Variants in SMAD6 observed in about 807,000 individuals in gnomAD.
SMAD6 encodes the protein MAD homolog 6.
A neutral mutation model predicts 39.4 loss-of-function variants in SMAD6; 103 were observed. That is an observed-to-expected ratio of 2.62 (90% CI 2.23 to 3.08). The LOEUF is 3.08. Among genes scored for constraint, SMAD6 ranks in the 30% most tolerant of loss-of-function variants. The pLI is 0.00. For synonymous variants in SMAD6, 445 were observed against 353.3 expected, an observed-to-expected ratio of 1.26 and a Z score of -2.91; for missense variants, 1,104 against 742.9, an observed-to-expected ratio of 1.49 and a Z score of -5.65.
chr15:66,753,477 G>A (rs947225863), intron 3 of SMAD6, among the ~76,000 whole-genome samples: 1 of 152,156 alleles, frequency 6.6e-6, no homozygotes, highest in African/African-American at 2.4e-5. Flanking sequence ...GGCTCCCTTG[G>A]GTGGCCTTTT....
At chr15:66,717,708 A>G (rs1344230591) in intron 3 of SMAD6, among the ~76,000 whole-genome samples, 1 of 152,172 alleles carries the variant, frequency 6.6e-6, no homozygotes, top group East Asian at 1.9e-4. Flanking sequence ...GGGAGGCTAG[A>G]AGCGGAAGCA....
At position 66,703,875 on chromosome 15, in the gene SMAD6, T is replaced by C; in HGVS notation, c.617T>C (p.Val206Ala). Residue 206 changes from valine (V) to alanine (A), a missense_variant, in exon 1 of 4, where the codon GTG becomes GCG. Physicochemically the swap from Val to Ala is moderately conservative, Grantham distance 64. Coordinates refer to ENST00000288840, the MANE Select transcript of SMAD6 (RefSeq NM_005585.5). ...CGCGGCGGCGTGCCGGGCGGCTGCG[T>C]GCTGGTGCCGCGCGCCGACCTCCGC... ...ESRGGVPGGCVLVPRADLRLG... is the reference protein window; with the variant it reads ...ESRGGVPGGCALVPRADLRLG... 1 of 1,325,088 alleles carries C rather than the reference T, an allele frequency of 7.5e-7. No individual in the cohort carries two copies. Among genetic ancestry groups the C allele is most frequent in the Non-Finnish European group, 9.7e-7 (1 of 1,033,934 alleles). The allele number at this position is 1,325,088 out of a possible 1,614,324, so 82.1% of individuals were successfully genotyped here.
chr15:66,744,813 A>G (rs1893879732), intron 3 of SMAD6, among the ~76,000 whole-genome samples: 1 of 152,192 alleles, frequency 6.6e-6, no homozygotes, highest in Non-Finnish European at 1.5e-5. Context: ...AGTGGGTGCT[A>G]GGAAGAACTG....
intron 2 of SMAD6, among the ~76,000 whole-genome samples, chr15:66,712,073 C>T (rs1239421820): frequency 2.0e-5 from 3 of 152,174 alleles, no homozygotes; most frequent in Non-Finnish European, 2.9e-5. Context: ...CTCTCTTGGG[C>T]CCCCCAGCCT....
At chr15:66,757,909 C>G (rs1282698508) in intron 3 of SMAD6, among the ~76,000 whole-genome samples, 1 of 152,242 alleles carries the variant, frequency 6.6e-6, no homozygotes, top group African/African-American at 2.4e-5. Flanking sequence ...GTAGGGACAG[C>G]TCTCAGGCAC....
rs894484941 is a variant in SMAD6 at position 66,725,477 on chromosome 15, G to A, written c.952+8979G>A. Among the ~76,000 whole-genome samples, 7 of 152,252 alleles carry A rather than the reference G, an allele frequency of 4.6e-5. 1 individual carries two copies. In the South Asian group the frequency reaches 1.4e-3, roughly 32 times the overall value. On this transcript the variant is annotated intron_variant, in intron 3 of 3. Transcript: ENST00000288840. ...ATCAAAGCCACCATCCAGACTGCAA[G>A]GTGAATCATTGCCAAGACTTTAATT... is the stretch of plus-strand genomic sequence containing the variant.
Position 66,703,505 on chromosome 15 carries a change from C to G in SMAD6, c.247C>G (p.Arg83Gly), listed in dbSNP as rs1301285133. 4.1e-6 allele frequency: 5 copies of G among 1,224,766 alleles called. No homozygotes were observed. Among genetic ancestry groups the G allele is most frequent in the South Asian group, 4.1e-5 (1 of 24,374 alleles). 75.9% of individuals were successfully genotyped at this position (1,224,766 alleles called of 1,614,324 possible). Residue 83 changes from arginine (R) to glycine (G), a missense_variant, in exon 1 of 4, where the codon CGC becomes GGC. Transcript: ENST00000288840. ...GCGAGGCGCCCAGGGCGCGGGGAGG[C>G]GCCGGCGCGCAGGGGGCCCCCCGAG... The part of the protein sequence containing the change: ...GQRGAQGAGR[R>G]RRAGGPPRPM...
At chr15:66,771,209 A>G (rs1488204946) in intron 3 of SMAD6, among the ~76,000 whole-genome samples, 2 of 151,944 alleles carry the variant, frequency 1.3e-5, no homozygotes, top group Non-Finnish European at 2.9e-5. Flanking sequence ...TGCCCGTTGG[A>G]GTGGTAAGGC....
At chr15:66,716,780 G>A (rs1363600595) in intron 3 of SMAD6, among the ~76,000 whole-genome samples, 2 of 152,236 alleles carry the variant, frequency 1.3e-5, no homozygotes, top group Admixed American at 1.3e-4. Flanking sequence ...TAAAAGCTCA[G>A]CACAGCTCTC....
At chr15:66,761,155 G>T (rs531750733) in intron 3 of SMAD6, among the ~76,000 whole-genome samples, 1 of 152,224 alleles carries the variant, frequency 6.6e-6, no homozygotes, top group African/African-American at 2.4e-5. Flanking sequence ...CCTGAGAGCC[G>T]GGAAAACCCC....
In SMAD6 at chr15:66,781,507, T is replaced by G. The variant is rs1894576643; in HGVS notation, c.1463T>G (p.Leu488Arg). The G allele has an allele frequency of 6.4e-7, 1 of 1,562,522 alleles. No homozygotes were observed. Among genetic ancestry groups the G allele is most frequent in the Non-Finnish European group, 8.6e-7 (1 of 1,157,902 alleles). The change falls in exon 4 of 4, where the codon CTG becomes CGG. Residue 488 changes from leucine to arginine, a missense_variant. Transcript: ENST00000288840. Reference protein sequence around the residue: ...RQFITSCPCWLEILLNNPR With the variant: ...RQFITSCPCWREILLNNPR ...TTCATCACCTCCTGCCCCTGCTGGC[T>G]GGAGATCCTCCTCAACAACCCCAGA...
intron 3 of SMAD6, chr15:66,717,119 A>G: frequency 7.8e-7 from 1 of 1,288,624 alleles, no homozygotes; most frequent in Non-Finnish European, 1.0e-6. Flanking sequence ...ACCTGAATCA[A>G]ACTTTCCTTG....
Position 66,704,182 on chromosome 15 carries a change from C to T in SMAD6, c.817+107C>T, listed in dbSNP as rs940941649. ...GTCGGCGCAGCTGCGGGTGCTCCCC[C>T]GGGTGCCCTTGGAGCGTGGGAGCCA... On this transcript the variant is annotated intron_variant, in intron 1 of 3. Coordinates refer to ENST00000288840, the MANE Select transcript of SMAD6 (RefSeq NM_005585.5). 7 of 951,700 alleles carry T rather than the reference C, an allele frequency of 7.4e-6. No individual in the cohort carries two copies. The African/African-American group carries it at 1.2e-4, about 16-fold the overall frequency. 59.0% of individuals were successfully genotyped at this position (951,700 alleles called of 1,614,324 possible). A position where few individuals can be genotyped will look rare whatever the true frequency, so the allele number is the denominator to read the frequency against.
intron 1 of SMAD6, chr15:66,708,887 C>T (rs1297448660): frequency 2.7e-6 from 1 of 373,150 alleles, no homozygotes; most frequent in East Asian, 7.4e-5. Context: ...TCAAAAACCA[C>T]TGAATGGTAT....
chr15:66,773,132 C>A (rs1047398146), intron 3 of SMAD6, among the ~76,000 whole-genome samples: 9 of 146,778 alleles, frequency 6.1e-5, no homozygotes, highest in African/African-American at 1.2e-4. Flanking sequence ...CCAGACCGCC[C>A]GTGATGTAAT....
At chr15:66,770,797 C>T (rs1894366580) in intron 3 of SMAD6, among the ~76,000 whole-genome samples, 1 of 152,184 alleles carries the variant, frequency 6.6e-6, no homozygotes. Flanking sequence ...TCCTTTCCTC[C>T]CCAAGGGCCT....
intron 3 of SMAD6, among the ~76,000 whole-genome samples, chr15:66,721,765 G>A (rs973532509): frequency 6.6e-6 from 1 of 152,230 alleles, no homozygotes; most frequent in African/African-American, 2.4e-5. Context: ...GGGGCACAGA[G>A]ATAAAAGTTA....
chr15:66,776,618 G>A (rs1474744342), intron 3 of SMAD6, among the ~76,000 whole-genome samples: 1 of 152,180 alleles, frequency 6.6e-6, no homozygotes, highest in African/African-American at 2.4e-5. Context: ...GTGTACTTGG[G>A]CAAGTCCCTT....
intron 3 of SMAD6, among the ~76,000 whole-genome samples, chr15:66,725,592 G>GA (rs1893508155): frequency 6.6e-6 from 1 of 152,214 alleles, no homozygotes; most frequent in Non-Finnish European, 1.5e-5. Context: ...GCCAGTGCTG[G>GA]ACAGAGCAGG....
Sources: allele counts gnomAD v4.1 joint callset (sites outside exome capture counted in the v4.1 genomes callset), GRCh38; gene constraint gnomAD v4.1.1; transcripts MANE v1.5; gene names NCBI Gene and HGNC (gene_info 2026-07-23, HGNC 2026-07-21).